The following ZNF708 variants were observed in gnomAD, a reference collection of about 807,000 sequenced individuals.
ZNF708 encodes zinc finger protein 708, also known as ZNF15, ZNF15L1.
A neutral mutation model predicts 47.0 loss-of-function variants in ZNF708; 44 were observed. That is an observed-to-expected ratio of 0.94 (90% confidence interval 0.74 to 1.20). ZNF708 has a LOEUF of 1.20. ZNF708 is among the 50% of genes most tolerant of loss of function. The probability of loss-of-function intolerance (pLI) is 0.00; values close to 1 mark genes in which losing one functional copy is unlikely to be tolerated. For missense variants in ZNF708, 557 were observed against 656.0 expected (o/e 0.85, Z 1.65); for synonymous variants, 184 against 218.5 (o/e 0.84, Z 1.39).
intron 3 of ZNF708, among the ~76,000 whole-genome samples, chr19:21,301,572 A>G (rs1002109525): frequency 6.6e-6 from 1 of 150,880 alleles, no homozygotes; most frequent in African/African-American, 2.4e-5. Flanking sequence ...GCCAAGATCA[A>G]GCCACTGCAT....
At chr19:21,303,212 A>G (rs923549340) in intron 3 of ZNF708, among the ~76,000 whole-genome samples, 12 of 152,292 alleles carry the variant, frequency 7.9e-5, no homozygotes, top group African/African-American at 2.9e-4. Flanking sequence ...TGATCATGCC[A>G]CTGAAAACCA....
chr19:21,309,424 T>C, intron 2 of ZNF708, 83 bp from the exon 3 acceptor site: 1 of 1,315,116 alleles, frequency 7.6e-7, no homozygotes, highest in East Asian at 3.2e-5. Flanking sequence ...AAAGAGAATG[T>C]AGGCCAGGCA....
intron 1 of ZNF708, among the ~76,000 whole-genome samples, chr19:21,312,252 G>A (rs371617978): frequency 3.3e-5 from 5 of 151,548 alleles, no homozygotes; most frequent in African/African-American, 7.3e-5. Flanking sequence ...CTGAGATCGC[G>A]CCACTGCACT....
Position 21,294,658 on chromosome 19 carries a change from T to A in ZNF708, c.308A>T (p.Tyr103Phe). 6.2e-7 allele frequency: 1 copy of A among 1,614,154 alleles called. No homozygotes were observed. Among genetic ancestry groups the A allele is most frequent in the Non-Finnish European group, 8.5e-7 (1 of 1,179,994 alleles). ...NSFQQVILRR[Y>F]GKCGYQKGCK... is the part of the protein sequence containing the mutation. ...GCCTTTCTGATATCCACATTTTCCA[T>A]ATCTTCTCAGTATCACTTGTTGGAA... The change falls in exon 4 of 4, where the codon TAT becomes TTT. Residue 103 changes from tyrosine (Y) to phenylalanine (F), a missense_variant. Coordinates refer to ENST00000356929, the MANE Select transcript of ZNF708 (RefSeq NM_021269.3).
chr19:21,319,778 T>C (rs567269424), intron 1 of ZNF708, among the ~76,000 whole-genome samples: 1 of 152,330 alleles, frequency 6.6e-6, no homozygotes, highest in South Asian at 2.1e-4. Context: ...CCAGTCAGAA[T>C]GGCTACTGTT....
intron 3 of ZNF708, chr19:21,307,044 A>ATAC (rs1568349208): frequency 6.8e-6 from 1 of 147,526 alleles, no homozygotes; most frequent in African/African-American, 2.5e-5. Context: ...CATAAAATAA[A>ATAC]ATAAAATAAA....
chr19:21,302,854 AAGC>A (rs1972688179), intron 3 of ZNF708, among the ~76,000 whole-genome samples: 1 of 152,126 alleles, frequency 6.6e-6, no homozygotes, highest in Non-Finnish European at 1.5e-5. Context: ...ACAAAAATAA[AAGC>A]AGCACAACAA....
At chr19:21,301,548 G>A (rs1016238839) in intron 3 of ZNF708, among the ~76,000 whole-genome samples, 1 of 152,252 alleles carries the variant, frequency 6.6e-6, no homozygotes, top group East Asian at 1.9e-4. Flanking sequence ...CTCGGGAGGT[G>A]GAGGTTGCAG....
chr19:21,318,553 T>C (rs923959066), intron 1 of ZNF708: 1 of 152,200 alleles, frequency 6.6e-6, no homozygotes, highest in Admixed American at 6.5e-5. Flanking sequence ...ATACCCCTAA[T>C]GCACAGCTAC....
intron 3 of ZNF708, among the ~76,000 whole-genome samples, chr19:21,298,469 C>T (rs1405203964): frequency 6.7e-6 from 1 of 149,268 alleles, no homozygotes; most frequent in Non-Finnish European, 1.5e-5. Context: ...GATGTCCATG[C>T]TGCTGAATGT....
chr19:21,305,017 CT>C (rs879483978), intron 3 of ZNF708, among the ~76,000 whole-genome samples: 161 of 145,338 alleles, frequency 1.1e-3, no homozygotes, highest in South Asian at 3.9e-3. Flanking sequence ...TCAACAGATT[CT>C]TTTTTTTTTT....
At chr19:21,296,361 G>A (rs1469447300) in intron 3 of ZNF708, among the ~76,000 whole-genome samples, 2 of 152,032 alleles carry the variant, frequency 1.3e-5, no homozygotes, top group African/African-American at 4.8e-5. Flanking sequence ...AATTAGCCGG[G>A]CGTGGTCACG....
Position 21,293,790 on chromosome 19 carries a change from G to T in ZNF708, c.1176C>A (p.Tyr392Ter). 2 of 1,613,142 alleles carry T rather than the reference G, an allele frequency of 1.2e-6. No homozygotes were observed. ...AGGCTTTACCACATTCTTCACATTT[G>T]TAGGGTTTCTCTCCAGTATGAATTA... is the stretch of plus-strand genomic sequence containing the variant. ...HKVIHTGEKP[Y>*]KCEECGKAFT... The change falls in exon 4 of 4, where the codon TAC becomes TAA. Residue 392 changes from tyrosine to a stop codon, truncating the protein, a stop_gained. Coordinates refer to ENST00000356929, the MANE Select transcript of ZNF708 (RefSeq NM_021269.3). LOFTEE classifies it high-confidence loss of function.
chr19:21,316,693 G>A (rs912135611), intron 1 of ZNF708, among the ~76,000 whole-genome samples: 3 of 152,132 alleles, frequency 2.0e-5, no homozygotes, highest in African/African-American at 7.2e-5. Flanking sequence ...GGTGGCTCAC[G>A]CCTGTAATCC....
At chr19:21,308,702 C>G (rs1284495404) in intron 3 of ZNF708, among the ~76,000 whole-genome samples, 1 of 151,932 alleles carries the variant, frequency 6.6e-6, no homozygotes, top group Admixed American at 6.6e-5. Flanking sequence ...TGAGCCACTG[C>G]CCCCCCAGCC....
rs1428487671 is a variant in ZNF708, at chr19:21,291,445, C to T, written c.*1829G>A. Reference sequence around the variant, plus strand: ...AAAGAAACTCTCCTATCTTTGATGCCGTGACAACTGATCACATGCTTTCAC... The same window carrying T: ...AAAGAAACTCTCCTATCTTTGATGCTGTGACAACTGATCACATGCTTTCAC... On this transcript the variant is annotated 3_prime_UTR_variant, in exon 4 of 4. Coordinates refer to ENST00000356929, the MANE Select transcript of ZNF708 (RefSeq NM_021269.3). 2 of 152,084 alleles carry T rather than the reference C, an allele frequency of 1.3e-5. No homozygotes were observed. Among genetic ancestry groups the T allele is most frequent in the Non-Finnish European group, 2.9e-5 (2 of 68,002 alleles). 9.4% of individuals were successfully genotyped at this position (152,084 alleles called of 1,614,324 possible).
intron 3 of ZNF708, among the ~76,000 whole-genome samples, chr19:21,305,364 A>G (rs755814635): frequency 2.0e-5 from 3 of 152,108 alleles, no homozygotes; most frequent in African/African-American, 2.4e-5. Flanking sequence ...CAAAGACATT[A>G]CTATGACCTA....
chr19:21,312,209 C>T (rs993086395), intron 1 of ZNF708, among the ~76,000 whole-genome samples: 1 of 151,950 alleles, frequency 6.6e-6, no homozygotes, highest in African/African-American at 2.4e-5. Flanking sequence ...GCAGGACAAT[C>T]GCTTGAATGT....
rs552799540 is a variant in ZNF708, at chr19:21,291,216, C to T, written c.*2058G>A. ...CATAAAAGTACAAATAGTAAAATAA[C>T]GTACTAATTTTTTAATTTTAACAAA... On this transcript the variant is annotated 3_prime_UTR_variant, in exon 4 of 4. Transcript: ENST00000356929. 13 of 21,496 alleles carry T rather than the reference C, an allele frequency of 6.0e-4. No individual in the cohort carries two copies. Among genetic ancestry groups the T allele is most frequent in the Non-Finnish European group, 2.3e-3 (8 of 3,520 alleles). 1.3% of individuals were successfully genotyped at this position (21,496 alleles called of 1,614,324 possible). A position where few individuals can be genotyped will look rare whatever the true frequency, so the allele number is the denominator to read the frequency against.
Sources: allele counts gnomAD v4.1 joint callset (sites outside exome capture counted in the v4.1 genomes callset), GRCh38; gene constraint gnomAD v4.1.1; transcripts MANE v1.5; gene names NCBI Gene and HGNC (gene_info 2026-07-23, HGNC 2026-07-21).